Variants in DOCK9 observed in about 807,000 individuals in gnomAD.
DOCK9 encodes the protein dedicator of cytokinesis protein 9.
DOCK9 carries 89 observed loss-of-function variants against 263.3 expected under a neutral mutation model. The observed-to-expected ratio is 0.34, with a 90% CI of 0.28 to 0.40. The LOEUF (loss-of-function observed/expected upper bound fraction) is 0.40. Among genes scored for constraint, DOCK9 ranks in the 10% least tolerant of loss-of-function variants. The probability of loss-of-function intolerance (pLI) is 1.00; values close to 1 mark genes in which losing one functional copy is unlikely to be tolerated. For synonymous variants in DOCK9, 976 were observed against 973.1 expected, an observed-to-expected ratio of 1.00 and a Z score of -0.06; for missense variants, 2,140 against 2,603.4, an observed-to-expected ratio of 0.82 and a Z score of 3.87.
chr13:98,839,405 C>T (rs2093127162), intron 38 of DOCK9, among the ~76,000 whole-genome samples: 1 of 152,204 alleles, frequency 6.6e-6, no homozygotes, highest in Non-Finnish European at 1.5e-5. Flanking sequence ...AAGAGGAAAA[C>T]AAACAGGTCG....
chr13:98,970,494 G>A (rs2059630000), intron 1 of DOCK9, among the ~76,000 whole-genome samples: 1 of 152,222 alleles, frequency 6.6e-6, no homozygotes, highest in African/African-American at 2.4e-5. Flanking sequence ...CCTCCTGTGA[G>A]TGAGTGCTGG....
intron 1 of DOCK9, among the ~76,000 whole-genome samples, chr13:99,025,721 T>G (rs549124278): frequency 2.6e-5 from 4 of 152,256 alleles, no homozygotes; most frequent in Non-Finnish European, 5.9e-5. Context: ...TGAAAATATA[T>G]GTTCCCACAA....
rs375543731 is a variant in DOCK9 at position 98,881,907 on chromosome 13, G to A, written c.2660C>T (p.Ala887Val). Reference protein sequence around the residue: ...VLTRATQEEVAVNVTRVIIHV... With the variant: ...VLTRATQEEVVVNVTRVIIHV... ...CCTCCCTTACCGAGTCACGTTAACCGCGACTTCTTCCTGTGTGGCTCTGGT... is the reference window on the plus strand; with the variant it reads ...CCTCCCTTACCGAGTCACGTTAACCACGACTTCTTCCTGTGTGGCTCTGGT... Residue 887 changes from alanine to valine, a missense_variant, in exon 24 of 53, where the codon GCG becomes GTG. Around this residue, in one of 2 missense-constraint regions of DOCK9, gnomAD observed 1,521 missense variants for 1,741.7 expected, o/e 0.87. Coordinates refer to ENST00000682017, the MANE Select transcript of DOCK9 (RefSeq NM_001366683.2). The A allele has an allele frequency of 1.4e-5, 22 of 1,581,938 alleles. No homozygotes were observed. Among genetic ancestry groups the A allele is most frequent in the South Asian group, 2.3e-5 (2 of 85,814 alleles).
chr13:98,799,230 A>T lies in DOCK9; in HGVS notation c.5916+1058T>A, dbSNP rs76047007. Among the ~76,000 whole-genome samples, 510 of 152,368 alleles carry T rather than the reference A, an allele frequency of 3.3e-3. 2 individuals carry two copies. Among genetic ancestry groups the T allele is most frequent in the Admixed American group, 6.7e-3 (102 of 15,304 alleles). ...GGATCTGATGGGAAGTTGACAAAAT[A>T]TAATTTCAGAAAATGAACCAAAAAA... On this transcript the variant is annotated intron_variant, in intron 50 of 52. Transcript: ENST00000682017.
chr13:98,942,998 C>T (rs1254535538), intron 2 of DOCK9, among the ~76,000 whole-genome samples: 1 of 152,160 alleles, frequency 6.6e-6, no homozygotes, highest in Non-Finnish European at 1.5e-5. Flanking sequence ...CACCAGTGAA[C>T]TTTCCTTCGG....
rs528034973 is a variant in DOCK9 at position 99,052,275 on chromosome 13, C to A, written c.129+33948G>T. On this transcript the variant is annotated intron_variant, in intron 1 of 32. Coordinates refer to the DOCK9 transcript ENST00000427887. ...CAGCATCCTGTGCTTCCACAGAGAC[C>A]CTCACCCCTGGCCCACTACTCACTG... Among the ~76,000 whole-genome samples the A allele has an allele frequency of 2.4e-4, 37 of 152,268 alleles. No individual in the cohort carries two copies. In the South Asian group the frequency reaches 7.3e-3, roughly 30 times the overall value.
intron 1 of DOCK9, among the ~76,000 whole-genome samples, chr13:98,999,316 A>ACACACACTCTCTCTCTCTCT: frequency 3.6e-5 from 5 of 138,282 alleles, no homozygotes; most frequent in African/African-American, 1.1e-4. Flanking sequence ...ACACACACAC[A>ACACACACTCTCTCTCTCTCT]CTCTCTCTCT....
chr13:98,831,150 A>G (rs1006468847), intron 41 of DOCK9, among the ~76,000 whole-genome samples, 198 bp downstream of exon 41: 2 of 152,228 alleles, frequency 1.3e-5, no homozygotes, highest in African/African-American at 4.8e-5. Flanking sequence ...CAATTTACCA[A>G]CAGAAACGCA....
In DOCK9 at chr13:98,829,119, T is replaced by G. The variant is rs557550717; in HGVS notation, c.4965+188A>C. Among the ~76,000 whole-genome samples, 1 of 152,306 alleles carries G rather than the reference T, an allele frequency of 6.6e-6. No individual in the cohort carries two copies. The highest frequency in any genetic ancestry group is 1.5e-5 in the Non-Finnish European group (1 of 68,020). On this transcript the variant is annotated intron_variant, in intron 43 of 52. Transcript: ENST00000682017. This position sits in a 1 kb window ranked among gnomAD's most constrained non-coding sequence, Gnocchi z 4.1. ...GTTGACAAAAATAACCCCTTACAAT[T>G]TGTTTTAAATTATTAAAATGCTCAG...
intron 41 of DOCK9, among the ~76,000 whole-genome samples, chr13:98,830,813 G>A (rs922931753): frequency 2.6e-5 from 4 of 152,254 alleles, no homozygotes; most frequent in East Asian, 1.9e-4. Context: ...ATCCTATGTG[G>A]ACAATAAATA....
intron 1 of DOCK9, among the ~76,000 whole-genome samples, chr13:99,030,221 T>A (rs918864642): frequency 6.6e-6 from 1 of 152,228 alleles, no homozygotes; most frequent in African/African-American, 2.4e-5. Flanking sequence ...TAAAACTTGT[T>A]GAATTGTACA....
At chr13:98,799,332 A>G (rs928577259) in intron 50 of DOCK9, among the ~76,000 whole-genome samples, 12 of 152,248 alleles carry the variant, frequency 7.9e-5, no homozygotes, top group Non-Finnish European at 1.8e-4. Flanking sequence ...AATAGGATAT[A>G]CAAATACATA....
At chr13:98,897,830 C>A (rs1005437349) in intron 14 of DOCK9, among the ~76,000 whole-genome samples, 2 of 152,154 alleles carry the variant, frequency 1.3e-5, no homozygotes, top group Non-Finnish European at 2.9e-5. Context: ...GCTTAGGAAA[C>A]AATATACACA....
intron 1 of DOCK9, among the ~76,000 whole-genome samples, chr13:98,987,082 C>T (rs1595834016): frequency 1.3e-5 from 2 of 152,154 alleles, no homozygotes; most frequent in Admixed American, 1.3e-4. Flanking sequence ...CCACCGCCAC[C>T]ACCACCACCA....
intron 1 of DOCK9, among the ~76,000 whole-genome samples, chr13:99,067,062 G>A (rs555527725): frequency 3.9e-5 from 6 of 152,086 alleles, no homozygotes; most frequent in South Asian, 2.1e-4. Context: ...CATCTGCACC[G>A]GTCACAACCT....
At chr13:98,908,196 T>A (rs2049408253) in intron 9 of DOCK9, among the ~76,000 whole-genome samples, 1 of 151,942 alleles carries the variant, frequency 6.6e-6, no homozygotes, top group Non-Finnish European at 1.5e-5. Flanking sequence ...ATATGAAAAA[T>A]ATCACTAATA....
At chr13:98,863,608 A>C (rs1254402475) in intron 30 of DOCK9, 60 bp from the exon 31 acceptor site, 4 of 1,486,940 alleles carry the variant, frequency 2.7e-6, no homozygotes, top group Non-Finnish European at 3.6e-6. Context: ...TGAATAAAAC[A>C]AACAAACAAA....
At chr13:99,007,127 C>T (rs1489178726) in intron 1 of DOCK9, among the ~76,000 whole-genome samples, 2 of 152,124 alleles carry the variant, frequency 1.3e-5, no homozygotes, top group East Asian at 1.9e-4. Context: ...CAGTGGTTCA[C>T]GCCTGTAATC....
intron 48 of DOCK9, among the ~76,000 whole-genome samples, chr13:98,807,335 A>C (rs1408202399): frequency 6.6e-6 from 1 of 152,232 alleles, no homozygotes; most frequent in East Asian, 1.9e-4. Flanking sequence ...CATGTGCTAC[A>C]TGCAGGAAGA....
Sources: gnomAD v4.1 joint callset for allele counts (sites outside exome capture counted in the v4.1 genomes callset) on GRCh38, gnomAD v4.1.1 for gene constraint, gnomAD v4.1.1 regional missense constraint, Gnocchi (gnomAD v3.1) non-coding constraint, MANE v1.5 for transcripts, NCBI Gene and HGNC (gene_info 2026-07-23, HGNC 2026-07-21) for gene names.